Variants in KIAA0825 observed in about 807,000 individuals in gnomAD.
KIAA0825 encodes uncharacterized protein KIAA0825.
In KIAA0825, 119 loss-of-function variants were observed where a neutral mutation model predicts 147.6. That is an observed-to-expected ratio of 0.81 (90% CI 0.69 to 0.94). KIAA0825 has a LOEUF of 0.94. KIAA0825 is among the 40% of genes least tolerant of loss of function. The pLI, the probability that KIAA0825 is intolerant of heterozygous loss-of-function variation, is 0.00. For synonymous variants in KIAA0825, 470 were observed against 518.1 expected (o/e 0.91, Z 1.26); for missense variants, 1,381 against 1,472.7 (o/e 0.94, Z 1.02).
chr5:94,391,865 A>G (rs1233750067), intron 17 of KIAA0825, among the ~76,000 whole-genome samples, 171 bp from the exon 18 acceptor site: 1 of 152,184 alleles, frequency 6.6e-6, no homozygotes, highest in African/African-American at 2.4e-5. Flanking sequence ...CATAAACAGC[A>G]CCTTAGAATT....
chr5:94,391,887 A>G (rs1485888146), intron 17 of KIAA0825, among the ~76,000 whole-genome samples, 193 bp from the exon 18 acceptor site: 1 of 152,216 alleles, frequency 6.6e-6, no homozygotes, highest in Non-Finnish European at 1.5e-5. Flanking sequence ...AGCACCTGAA[A>G]GCATTTTCAA....
intron 1 of KIAA0825, among the ~76,000 whole-genome samples, chr5:94,610,679 G>T (rs1788554556): frequency 7.0e-6 from 1 of 143,388 alleles, no homozygotes; most frequent in African/African-American, 2.6e-5. Context: ...CAGGAGAATT[G>T]CTTGAACCTG....
chr5:94,225,155 C>T (rs1774049122), intron 20 of KIAA0825, among the ~76,000 whole-genome samples: 2 of 152,082 alleles, frequency 1.3e-5, no homozygotes, highest in South Asian at 4.1e-4. Flanking sequence ...TATATAATCT[C>T]CTAAAATGAA....
At chr5:94,337,130 G>A (rs1781889501) in intron 20 of KIAA0825, among the ~76,000 whole-genome samples, 5 of 152,156 alleles carry the variant, frequency 3.3e-5, no homozygotes, top group Admixed American at 3.3e-4. Context: ...GAGGGTGGGA[G>A]CAAGGATCGA....
intron 20 of KIAA0825, among the ~76,000 whole-genome samples, chr5:94,345,162 G>C (rs540772907): frequency 6.6e-6 from 1 of 152,236 alleles, no homozygotes; most frequent in African/African-American, 2.4e-5. Context: ...TGTTCAGAAA[G>C]AGCGTGGTGA....
intron 13 of KIAA0825, among the ~76,000 whole-genome samples, chr5:94,451,761 G>A (rs975795493): frequency 1.3e-5 from 2 of 152,156 alleles, no homozygotes; most frequent in Non-Finnish European, 2.9e-5. Flanking sequence ...TAACTCCAGT[G>A]GTTCCAGATA....
At chr5:94,347,057 A>T (rs2150351004) in intron 20 of KIAA0825, among the ~76,000 whole-genome samples, 1 of 152,112 alleles carries the variant, frequency 6.6e-6, no homozygotes, top group African/African-American at 2.4e-5. Flanking sequence ...TTCCCTGACA[A>T]CCTGCATGAC....
intron 14 of KIAA0825, among the ~76,000 whole-genome samples, chr5:94,427,037 T>C (rs1164938163): frequency 2.0e-5 from 3 of 152,162 alleles, no homozygotes; most frequent in Admixed American, 6.6e-5. Context: ...CCTAAAATAT[T>C]TTTTATCTTG....
intron 20 of KIAA0825, among the ~76,000 whole-genome samples, chr5:94,243,886 G>T (rs576039633): frequency 6.6e-6 from 1 of 152,200 alleles, no homozygotes; most frequent in East Asian, 1.9e-4. Flanking sequence ...CCACAAAATT[G>T]AGCTCTTAAT....
At chr5:94,418,616 T>A (rs1753783176) in intron 14 of KIAA0825, among the ~76,000 whole-genome samples, 1 of 152,046 alleles carries the variant, frequency 6.6e-6, no homozygotes, top group Non-Finnish European at 1.5e-5. Context: ...AGGTATCCAA[T>A]GAGAACCTTC....
intron 20 of KIAA0825, among the ~76,000 whole-genome samples, chr5:94,205,666 T>A (rs1236345809): frequency 6.6e-6 from 1 of 152,170 alleles, no homozygotes; most frequent in Admixed American, 6.5e-5. Context: ...GATGCCATAA[T>A]CCCTAAGCTC....
intron 3 of KIAA0825, among the ~76,000 whole-genome samples, chr5:94,530,904 C>T (rs1023912268): frequency 2.6e-5 from 4 of 152,130 alleles, no homozygotes; most frequent in Admixed American, 1.3e-4. Context: ...ACTATTGGCT[C>T]GATCTCTTTA....
intron 6 of KIAA0825, 73 bp from the exon 7 acceptor site, chr5:94,477,278 T>A: frequency 4.0e-6 from 4 of 987,674 alleles, no homozygotes; most frequent in Non-Finnish European, 6.1e-6. Flanking sequence ...GATTTATAAA[T>A]TCAGGTAAAT....
intron 14 of KIAA0825, among the ~76,000 whole-genome samples, chr5:94,438,652 C>T (rs1456661007): frequency 6.6e-6 from 1 of 152,116 alleles, no homozygotes; most frequent in Non-Finnish European, 1.5e-5. Flanking sequence ...GCAATATTCT[C>T]ACAAGAGACA....
At chr5:94,607,991 G>T (rs1267307298) in intron 1 of KIAA0825, among the ~76,000 whole-genome samples, 1 of 152,086 alleles carries the variant, frequency 6.6e-6, no homozygotes, top group African/African-American at 2.4e-5. Flanking sequence ...TAATTACATT[G>T]AGACAACTTG....
At chr5:94,341,162 G>A (rs891923943) in intron 20 of KIAA0825, among the ~76,000 whole-genome samples, 7 of 152,156 alleles carry the variant, frequency 4.6e-5, no homozygotes, top group Non-Finnish European at 8.8e-5. Context: ...GATAAATGAT[G>A]TTTATAGAAA....
chr5:94,543,503 G>A lies in KIAA0825; in HGVS notation c.-1-6376C>T, dbSNP rs562260502. Among the ~76,000 whole-genome samples, 22 of 152,170 alleles carry A rather than the reference G, an allele frequency of 1.4e-4. No individual in the cohort carries two copies. In the South Asian group the frequency reaches 4.6e-3, roughly 32 times the overall value. ...TAAAAAAGGCTTGAGATTCCTCACT[G>A]ATGCTTGAGAAAATAAAATTTAAAA... On this transcript the variant is annotated intron_variant, in intron 2 of 20. Transcript: ENST00000682413.
chr5:94,259,341 G>A (rs916543911), intron 20 of KIAA0825, among the ~76,000 whole-genome samples: 14 of 152,008 alleles, frequency 9.2e-5, no homozygotes, highest in Admixed American at 3.3e-4. Flanking sequence ...CACTTTCAGT[G>A]AATTGAAAAG....
chr5:94,408,467 C>T (rs1202666653), intron 15 of KIAA0825, among the ~76,000 whole-genome samples: 1 of 152,132 alleles, frequency 6.6e-6, no homozygotes, highest in Non-Finnish European at 1.5e-5. Flanking sequence ...CTGCCTCAGC[C>T]ACCCGAGTAG....
Sources: allele counts gnomAD v4.1 joint callset (sites outside exome capture counted in the v4.1 genomes callset), GRCh38; gene constraint gnomAD v4.1.1; transcripts MANE v1.5; gene names NCBI Gene and HGNC (gene_info 2026-07-23, HGNC 2026-07-21).